SPEG: variants seen among roughly 807,000 people sequenced by gnomAD.
SPEG encodes the protein striated muscle enriched protein kinase, also known as striated muscle preferentially expressed protein kinase.
In SPEG, 114 loss-of-function variants were observed where a neutral mutation model predicts 300.4. The ratio of observed to expected loss-of-function variants is 0.38; its 90% CI spans 0.33 to 0.44. SPEG has a LOEUF of 0.44. Ranked by LOEUF, SPEG falls within the 20% of genes least tolerant of loss-of-function variation. The probability of loss-of-function intolerance (pLI) is 1.00; values close to 1 mark genes in which losing one functional copy is unlikely to be tolerated. For missense variants in SPEG, 4,201 were observed against 4,586.2 expected (o/e 0.92, Z 2.43); for synonymous variants, 1,964 against 2,018.9 (o/e 0.97, Z 0.73).
Position 219,479,691 on chromosome 2 carries a change from T to G in SPEG, c.5086-92T>G. On this transcript the variant is annotated intron_variant, in intron 23 of 40. Transcript: ENST00000312358. The surrounding 1 kb of genome is among the most constrained non-coding windows in gnomAD (Gnocchi z 5.5). ...CTTCCACGAGCCATCTGAAGGCTAC[T>G]CCACAGGCACAGCCGGACCGCTTGC... 1 of 1,182,340 alleles carries G rather than the reference T, an allele frequency of 8.5e-7. No homozygotes were observed. The highest frequency in any genetic ancestry group is 1.3e-6 in the Non-Finnish European group (1 of 795,010). The allele number at this position is 1,182,340 out of a possible 1,614,324, so 73.2% of individuals were successfully genotyped here.
chr2:219,473,643 A>G lies in SPEG; in HGVS notation c.4271+16A>G, dbSNP rs1385863345. 5 of 1,614,070 alleles carry G rather than the reference A, an allele frequency of 3.1e-6. No individual in the cohort carries two copies. The highest frequency in any genetic ancestry group is 1.6e-4 in the Middle Eastern group (1 of 6,062). ...TCTGGAGGAGGTGGGCCCCTTTCCC[A>G]CATGTGGCAGCCCAGGTCTGGCCCA... On this transcript the variant is annotated intron_variant, in intron 17 of 40. Coordinates refer to ENST00000312358, the MANE Select transcript of SPEG (RefSeq NM_005876.5). This position sits in a 1 kb window ranked among gnomAD's most constrained non-coding sequence, Gnocchi z 4.6.
At position 219,469,383 on chromosome 2, in the gene SPEG, C is replaced by T. The variant is rs529058423; in HGVS notation, c.3715+4C>T. ...GACGACCGGCGCATGACACAGTGTA[C>T]GTGTCTGGGAAGTTCCCCGGGAGTG... On this transcript the variant is annotated splice_donor_region_variant and intron_variant, in intron 13 of 40. Transcript: ENST00000312358. The T allele has an allele frequency of 5.7e-4, 920 of 1,609,610 alleles. 12 individuals are homozygous for T. The South Asian group carries it at 9.3e-3, about 16-fold the overall frequency.
chr2:219,435,902 G>C (rs1954706392), intron 1 of SPEG, among the ~76,000 whole-genome samples: 1 of 152,210 alleles, frequency 6.6e-6, no homozygotes, highest in Admixed American at 6.5e-5. Flanking sequence ...CCTATGGTTG[G>C]CCACGTGTGA....
At position 219,467,212 on chromosome 2, in the gene SPEG, CT is replaced by C; in HGVS notation, c.2921del (p.Leu974ArgfsTer77). The C allele has an allele frequency of 1.9e-6, 3 of 1,594,876 alleles. No individual in the cohort carries two copies. The highest frequency in any genetic ancestry group is 2.6e-6 in the Non-Finnish European group (3 of 1,171,786). Reference protein sequence around the residue: ...ESRSLAVLAPLQDVDVGAGEM... With the variant: ...ESRSLAVLAPXQDVDVGAGEM... ...CCGGTCCCTGGCCGTGCTGGCCCCC[CT>C]GCAGGACGTGGACGTGGGGGCCGGG... On this transcript the variant is annotated frameshift_variant, in exon 10 of 41. Coordinates refer to ENST00000312358, the MANE Select transcript of SPEG (RefSeq NM_005876.5). LOFTEE classifies it high-confidence loss of function.
Position 219,472,985 on chromosome 2 carries a change from G to A in SPEG, c.4036G>A (p.Ala1346Thr), listed in dbSNP as rs758797816. The change falls in exon 16 of 41, where the codon GCC (alanine) becomes ACC (threonine). Residue 1346 changes from alanine to threonine, a missense_variant. This residue lies in a region of SPEG where 1,047 missense variants were observed against 1,356.8 expected (regional missense o/e 0.77). Transcript: ENST00000312358. ...VTGLREPGWA[A>T]TGLRKGVQHI... ...AGGCCTGCGGGAGCCAGGGTGGGCA[G>A]CCACAGGGCTGCGTAAGGGGGTCCA... 5 of 1,613,964 alleles carry A rather than the reference G, an allele frequency of 3.1e-6. No individual in the cohort carries two copies. The highest frequency in any genetic ancestry group is 4.2e-6 in the Non-Finnish European group (5 of 1,180,030).
Position 219,460,654 on chromosome 2 carries a change from G to A in SPEG, c.2441-1228G>A, listed in dbSNP as rs934425292. On this transcript the variant is annotated intron_variant, in intron 6 of 40. Transcript: ENST00000312358. ...AGAGTGGCTAAATCCAGACGGCCGCGCTCCGCCCTCCCTCCCCTCTCCCCT... is the reference window on the plus strand; with the variant it reads ...AGAGTGGCTAAATCCAGACGGCCGCACTCCGCCCTCCCTCCCCTCTCCCCT... 44 of 985,488 alleles carry A rather than the reference G, an allele frequency of 4.5e-5. No individual in the cohort carries two copies. The African/African-American group carries it at 6.8e-4, about 15-fold the overall frequency. The allele number at this position is 985,488 out of a possible 1,614,324, so 61.0% of individuals were successfully genotyped here.
chr2:219,473,448 G>A lies in SPEG; in HGVS notation c.4148-56G>A. 6.5e-7 allele frequency: 1 copy of A among 1,534,162 alleles called. No individual in the cohort carries two copies. Among genetic ancestry groups the A allele is most frequent in the Non-Finnish European group, 9.0e-7 (1 of 1,111,908 alleles). On this transcript the variant is annotated intron_variant, in intron 16 of 40. Transcript: ENST00000312358. The surrounding 1 kb of genome is among the most constrained non-coding windows in gnomAD (Gnocchi z 4.6). ...GATGAGGGGTGTTAGAGGAGTGGTG[G>A]GTGCTGAGGACCTGATGTCAAGCCC... is the stretch of plus-strand genomic sequence containing the variant.
intron 36 of SPEG, 100 bp downstream of exon 36, chr2:219,490,039 G>T (rs986846798): frequency 7.2e-7 from 1 of 1,391,896 alleles, no homozygotes; most frequent in Non-Finnish European, 9.7e-7. Context: ...GGCTGGGGTG[G>T]GGGGAGGTGC....
chr2:219,449,169 C>A lies in SPEG; in HGVS notation c.2011C>A (p.Arg671Ser). ...RAGPEAEKRL[R>S]RGPEEDGPWG... ...GGGGCCTGAGGCAGAGAAGAGGCTTCGCAGAGGGCCGGAGGAGGACGGTCC... is the reference window on the plus strand; with the variant it reads ...GGGGCCTGAGGCAGAGAAGAGGCTTAGCAGAGGGCCGGAGGAGGACGGTCC... Residue 671 changes from arginine (R) to serine (S), a missense_variant, in exon 4 of 41, where the codon CGC becomes AGC. Around this residue, in one of 4 missense-constraint regions of SPEG, gnomAD observed 1,258 missense variants for 1,293.9 expected, o/e 0.97. Coordinates refer to ENST00000312358, the MANE Select transcript of SPEG (RefSeq NM_005876.5). 5 of 1,404,476 alleles carry A rather than the reference C, an allele frequency of 3.6e-6. No individual in the cohort carries two copies. Among genetic ancestry groups the A allele is most frequent in the Non-Finnish European group, 4.6e-6 (5 of 1,079,174 alleles). The allele number at this position is 1,404,476 out of a possible 1,614,324, so 87.0% of individuals were successfully genotyped here. A position where few individuals can be genotyped will look rare whatever the true frequency, so the allele number is the denominator to read the frequency against.
chr2:219,457,766 C>T (rs1386457675), intron 6 of SPEG, among the ~76,000 whole-genome samples: 1 of 152,194 alleles, frequency 6.6e-6, no homozygotes, highest in Admixed American at 6.5e-5. Flanking sequence ...ATGCTCCACT[C>T]CTTACTTCTT....
In SPEG at chr2:219,462,686, C is replaced by T. The variant is rs138065052; in HGVS notation, c.2705+300C>T. On this transcript the variant is annotated intron_variant, in intron 8 of 40. Transcript: ENST00000312358. ...AATCCCAGCATTTTGAGAGGTGAGG[C>T]GAATGGATCACTTGAGGCCAGGAGT... Among the ~76,000 whole-genome samples the T allele has an allele frequency of 2.1e-3, 314 of 152,278 alleles. 1 individual carries two copies. The highest frequency in any genetic ancestry group is 3.7e-3 in the Non-Finnish European group (254 of 68,030).
chr2:219,477,564 C>A lies in SPEG; in HGVS notation c.4729+119C>A. ...TCGAGCCACCACACCCCCAGCCCAG[C>A]ACCCCGCCTTGAGCCCCCAACATTC... is the stretch of plus-strand genomic sequence containing the variant. On this transcript the variant is annotated intron_variant, in intron 20 of 40. Coordinates refer to ENST00000312358, the MANE Select transcript of SPEG (RefSeq NM_005876.5). This position sits in a 1 kb window ranked among gnomAD's most constrained non-coding sequence, Gnocchi z 6.4. 2 of 1,367,080 alleles carry A rather than the reference C, an allele frequency of 1.5e-6. No homozygotes were observed. The highest frequency in any genetic ancestry group is 2.0e-6 in the Non-Finnish European group (2 of 1,009,840). 84.7% of individuals were successfully genotyped at this position (1,367,080 alleles called of 1,614,324 possible).
In SPEG at chr2:219,489,039, C is replaced by T. The variant is rs1470352465; in HGVS notation, c.8150-15C>T. 1.2e-6 allele frequency: 2 copies of T among 1,613,314 alleles called. No individual in the cohort carries two copies. The highest frequency in any genetic ancestry group is 1.7e-5 in the Admixed American group (1 of 59,974). On this transcript the variant is annotated splice_polypyrimidine_tract_variant and intron_variant, in intron 34 of 40. Transcript: ENST00000312358. Reference sequence around the variant, plus strand: ...CGCTTCTGTGACCTCAGCCCCTCCCCCATACTGCCTATAGGGGAGTCTGTG... The same window carrying T: ...CGCTTCTGTGACCTCAGCCCCTCCCTCATACTGCCTATAGGGGAGTCTGTG...
Position 219,485,043 on chromosome 2 carries a change from C to G in SPEG, c.7580C>G (p.Ser2527Cys), listed in dbSNP as rs1300476706. The part of the protein sequence containing the change: ...ATTPSAESLG[S>C]EASATSGSSA... Reference sequence around the variant, plus strand: ...ACGCCTTCCGCCGAGTCCCTGGGCTCCGAGGCCAGCGCCACGTCGGGCTCC... The same window carrying G: ...ACGCCTTCCGCCGAGTCCCTGGGCTGCGAGGCCAGCGCCACGTCGGGCTCC... Residue 2527 changes from serine to cysteine, a missense_variant, in exon 30 of 41, where the codon TCC (serine) becomes TGC (cysteine). Coordinates refer to ENST00000312358, the MANE Select transcript of SPEG (RefSeq NM_005876.5). 9 of 1,532,446 alleles carry G rather than the reference C, an allele frequency of 5.9e-6. No homozygotes were observed. The Admixed American group carries it at 1.6e-4, about 27-fold the overall frequency. 94.9% of individuals were successfully genotyped at this position (1,532,446 alleles called of 1,614,324 possible).
rs1334736486 is a variant in SPEG at position 219,439,717 on chromosome 2, G to C, written c.388+4352G>C. ...CAGCCCTTCAGGAGTGAGCAGTGCC[G>C]ACCCAGAGCAGGAACACAGAATCCT... On this transcript the variant is annotated intron_variant, in intron 1 of 40. Coordinates refer to ENST00000312358, the MANE Select transcript of SPEG (RefSeq NM_005876.5). The surrounding 1 kb of genome is among the most constrained non-coding windows in gnomAD (Gnocchi z 4.5). Among the ~76,000 whole-genome samples the C allele has an allele frequency of 6.6e-6, 1 of 152,252 alleles. No homozygotes were observed. The highest frequency in any genetic ancestry group is 1.5e-5 in the Non-Finnish European group (1 of 68,006).
Position 219,451,085 on chromosome 2 carries a change from C to T in SPEG, c.2114-51C>T. The T allele has an allele frequency of 6.7e-7, 1 of 1,484,280 alleles. No individual in the cohort carries two copies. Among genetic ancestry groups the T allele is most frequent in the Non-Finnish European group, 9.0e-7 (1 of 1,116,846 alleles). The allele number at this position is 1,484,280 out of a possible 1,614,324, so 91.9% of individuals were successfully genotyped here. On this transcript the variant is annotated intron_variant, in intron 4 of 40. Coordinates refer to ENST00000312358, the MANE Select transcript of SPEG (RefSeq NM_005876.5). The surrounding 1 kb of genome is among the most constrained non-coding windows in gnomAD (Gnocchi z 6.4). The stretch of plus-strand genomic sequence containing the variant: ...CCACCAGGACTCTCTCTCCCGCTGT[C>T]ATCCCTGCAGGGATCATGGCCCCTT...
At position 219,484,569 on chromosome 2, in the gene SPEG, A is replaced by T; in HGVS notation, c.7106A>T (p.Glu2369Val). ...GGCCCCTTCCGTGGGGCCGAGGAGGAGGATGGCATATACCGGCCCAGCCCG... is the reference window on the plus strand; with the variant it reads ...GGCCCCTTCCGTGGGGCCGAGGAGGTGGATGGCATATACCGGCCCAGCCCG... ...ERGPFRGAEE[E>V]DGIYRPSPAG... Residue 2369 changes from glutamate (E) to valine (V), a missense_variant, in exon 30 of 41, where the codon GAG becomes GTG. Around this residue, in one of 4 missense-constraint regions of SPEG, gnomAD observed 1,578 missense variants for 1,506.0 expected, o/e 1.05. Coordinates refer to ENST00000312358, the MANE Select transcript of SPEG (RefSeq NM_005876.5). 6.3e-7 allele frequency: 1 copy of T among 1,584,662 alleles called. No homozygotes were observed. Among genetic ancestry groups the T allele is most frequent in the Non-Finnish European group, 8.5e-7 (1 of 1,170,006 alleles).
In SPEG at chr2:219,445,129, C is replaced by T. The variant is rs1251655042; in HGVS notation, c.783C>T (p.Ser261=). 12 of 1,588,878 alleles carry T rather than the reference C, an allele frequency of 7.6e-6. No homozygotes were observed. Among genetic ancestry groups the T allele is most frequent in the Non-Finnish European group, 1.0e-5 (12 of 1,168,394 alleles). Residue 261 remains serine, a synonymous_variant, in exon 3 of 41, where the codon AGC becomes AGT. Transcript: ENST00000312358. This position sits in a 1 kb window ranked among gnomAD's most constrained non-coding sequence, Gnocchi z 6.1. ...VASDLYGSAF[S]LYRGRALSIH... is the part of the protein sequence containing the mutation. ...GTGACCTGTACGGCAGCGCATTCAG[C>T]CTGTACAGAGGACGGGCGCTCTCTA...
chr2:219,481,236 C>A lies in SPEG; in HGVS notation c.5370-68C>A, dbSNP rs1346724397. The A allele has an allele frequency of 7.2e-6, 11 of 1,534,954 alleles. No homozygotes were observed. The highest frequency in any genetic ancestry group is 8.9e-6 in the Non-Finnish European group (10 of 1,120,240). On this transcript the variant is annotated intron_variant, in intron 26 of 40. Transcript: ENST00000312358. The surrounding 1 kb of genome is among the most constrained non-coding windows in gnomAD (Gnocchi z 5.4). ...CCAGAGCCTCCATCTGTCCCCAGCC[C>A]TGTGCCCCCACTGACATTCCCCTTT...
Sources: allele counts gnomAD v4.1 joint callset (sites outside exome capture counted in the v4.1 genomes callset), GRCh38; gene constraint gnomAD v4.1.1; regional missense constraint gnomAD v4.1.1; non-coding constraint Gnocchi (gnomAD v3.1); transcripts MANE v1.5; gene names NCBI Gene and HGNC (gene_info 2026-07-23, HGNC 2026-07-21).